The following DIAPH1 variants were observed in gnomAD, a reference collection of about 807,000 sequenced individuals.
DIAPH1 encodes the protein protein diaphanous homolog 1.
In DIAPH1, 46 loss-of-function variants were observed where a neutral mutation model predicts 140.7. The ratio of observed to expected loss-of-function variants is 0.33; its 90% confidence interval spans 0.26 to 0.42. The LOEUF (loss-of-function observed/expected upper bound fraction) is 0.42, where lower values mean the gene tolerates loss of function less well. DIAPH1 is among the 10% of genes least tolerant of loss of function. The pLI, the probability that DIAPH1 is intolerant of heterozygous loss-of-function variation, is 1.00. For synonymous variants in DIAPH1, 565 were observed against 551.6 expected (o/e 1.02, Z -0.34); for missense variants, 1,310 against 1,558.7 (o/e 0.84, Z 2.69).
intron 1 of DIAPH1, among the ~76,000 whole-genome samples, chr5:141,608,013 T>C (rs1047652054): frequency 2.0e-5 from 3 of 152,272 alleles, no homozygotes; most frequent in Non-Finnish European, 2.9e-5. Flanking sequence ...CATGGTTAAT[T>C]AGTGGTAAAG....
intron 18 of DIAPH1, among the ~76,000 whole-genome samples, chr5:141,553,565 C>T (rs1302142053): frequency 6.6e-6 from 1 of 151,682 alleles, no homozygotes; most frequent in Admixed American, 6.6e-5. Context: ...ATCGCTTGTA[C>T]CCAGGAGGCA....
intron 18 of DIAPH1, among the ~76,000 whole-genome samples, chr5:141,542,226 G>C (rs1391694957): frequency 3.9e-5 from 6 of 152,186 alleles, no homozygotes; most frequent in Non-Finnish European, 7.3e-5. Context: ...GAGATCAGGA[G>C]TTCGAGACCA....
chr5:141,574,097 C>A lies in DIAPH1; in HGVS notation c.1753G>T (p.Ala585Ser). ...SVPSRAPVPPAPPLPGDSGTI... is the reference protein window; with the variant it reads ...SVPSRAPVPPSPPLPGDSGTI... ...CCAGAGTCACCAGGTAAAGGAGGGG[C>A]AGGGGGAACAGGAGCACGACTAGGA... Residue 585 changes from alanine to serine, a missense_variant, in exon 16 of 28, where the codon GCC becomes TCC. Physicochemically the swap from Ala to Ser is moderately conservative, Grantham distance 99. Coordinates refer to ENST00000389054, the MANE Select transcript of DIAPH1 (RefSeq NM_005219.5). The A allele has an allele frequency of 6.2e-7, 1 of 1,613,422 alleles. No individual in the cohort carries two copies. The highest frequency in any genetic ancestry group is 8.5e-7 in the Non-Finnish European group (1 of 1,179,790).
At chr5:141,576,664 A>G in intron 13 of DIAPH1, 92 bp downstream of exon 13, 1 of 909,384 alleles carries the variant, frequency 1.1e-6, no homozygotes, top group Non-Finnish European at 1.8e-6. Context: ...GGGGACTGGA[A>G]AGGTATCTTC....
rs1480316957 is a variant in DIAPH1 at position 141,579,106 on chromosome 5, T to C, written c.915A>G (p.Gly305=). Residue 305 remains glycine (G), a synonymous_variant, in exon 9 of 28, where the codon GGA becomes GGG. Transcript: ENST00000389054. The stretch of plus-strand genomic sequence containing the variant: ...TACATGCCTTCAGTGCAATAGTGGT[T>C]CCACTTTTTAATCCATCCAGCAGCG... ...FQPLLDGLKS[G]TTIALKVGCL... is the part of the protein sequence containing the mutation. 1.2e-6 allele frequency: 2 copies of C among 1,613,834 alleles called. No individual in the cohort carries two copies. The highest frequency in any genetic ancestry group is 1.7e-6 in the Non-Finnish European group (2 of 1,179,798).
intron 2 of DIAPH1, 47 bp downstream of exon 2, chr5:141,588,177 G>A (rs753480525): frequency 4.0e-6 from 6 of 1,504,682 alleles, no homozygotes; most frequent in Non-Finnish European, 5.6e-6. Context: ...ATATGATAGT[G>A]TAGGCAATGA....
chr5:141,553,396 T>C (rs1212768672), intron 18 of DIAPH1, among the ~76,000 whole-genome samples: 1 of 152,066 alleles, frequency 6.6e-6, no homozygotes, highest in East Asian at 1.9e-4. Context: ...TCCCAGCACT[T>C]TGGGAGGTCA....
chr5:141,607,280 GC>G (rs2099901128), intron 1 of DIAPH1, among the ~76,000 whole-genome samples: 1 of 152,144 alleles, frequency 6.6e-6, no homozygotes, highest in South Asian at 2.1e-4. Flanking sequence ...TTCAACAATG[GC>G]ATTACCTATC....
chr5:141,554,005 G>A (rs1229597957), intron 18 of DIAPH1, among the ~76,000 whole-genome samples: 2 of 152,056 alleles, frequency 1.3e-5, no homozygotes, highest in South Asian at 2.1e-4. Flanking sequence ...CAGGCAGGGC[G>A]CGGTGGCTCA....
At chr5:141,605,677 C>T (rs768713532) in intron 1 of DIAPH1, among the ~76,000 whole-genome samples, 11 of 152,234 alleles carry the variant, frequency 7.2e-5, no homozygotes, top group Non-Finnish European at 1.2e-4. Flanking sequence ...CTTAATACCA[C>T]TAGGCCTCAG....
In DIAPH1 at chr5:141,555,357, T is replaced by C. The variant is rs139901954; in HGVS notation, c.2482+16071A>G. The stretch of plus-strand genomic sequence containing the variant: ...CATATCCTTAGACAGGTAGGCCTGG[T>C]TCAACTTTGACGGTGGGTTAGGAAG... On this transcript the variant is annotated intron_variant, in intron 18 of 27. Transcript: ENST00000389054. Among the ~76,000 whole-genome samples the C allele has an allele frequency of 8.5e-4, 129 of 152,272 alleles. No individual in the cohort carries two copies. The Middle Eastern group carries it at 0.01, about 12-fold the overall frequency.
At chr5:141,525,589 T>C (rs1387709583) in intron 26 of DIAPH1, among the ~76,000 whole-genome samples, 2 of 152,126 alleles carry the variant, frequency 1.3e-5, no homozygotes, top group African/African-American at 2.4e-5. Flanking sequence ...TGCATACAAC[T>C]GTGCTAAGGT....
At chr5:141,607,444 G>A (rs765113998) in intron 1 of DIAPH1, among the ~76,000 whole-genome samples, 6 of 152,194 alleles carry the variant, frequency 3.9e-5, no homozygotes, top group Non-Finnish European at 8.8e-5. Flanking sequence ...CATCTACGTA[G>A]CGGAAATAAC....
At chr5:141,579,960 GGAA>G (rs918043502) in intron 8 of DIAPH1, among the ~76,000 whole-genome samples, 4 of 146,776 alleles carry the variant, frequency 2.7e-5, no homozygotes, top group Non-Finnish European at 6.0e-5. Context: ...AAAAAAAAAA[GGAA>G]AAAAAAAAAA....
intron 18 of DIAPH1, chr5:141,563,441 T>C (rs919025343): frequency 3.3e-5 from 5 of 152,186 alleles, no homozygotes; most frequent in African/African-American, 9.7e-5. Flanking sequence ...ATTCACACCA[T>C]TAACATGTAA....
chr5:141,615,750 G>GA (rs905372726), intron 1 of DIAPH1, among the ~76,000 whole-genome samples: 5 of 148,838 alleles, frequency 3.4e-5, no homozygotes, highest in East Asian at 2.0e-4. Flanking sequence ...CTCAAAAAAA[G>GA]AAAAAAAAAA....
At chr5:141,529,777 T>C in intron 19 of DIAPH1, 80 bp from the exon 20 acceptor site, 2 of 1,274,986 alleles carry the variant, frequency 1.6e-6, no homozygotes, top group Non-Finnish European at 2.3e-6. Context: ...CTATGCTGGA[T>C]AATCTTCCTA....
intron 18 of DIAPH1, among the ~76,000 whole-genome samples, chr5:141,570,047 T>C (rs2099894931): frequency 1.3e-5 from 2 of 151,788 alleles, no homozygotes; most frequent in Admixed American, 6.6e-5. Flanking sequence ...AATACTACCA[T>C]ATCCCAATTC....
At chr5:141,535,178 G>C (rs1412031792) in intron 18 of DIAPH1, among the ~76,000 whole-genome samples, 3 of 152,114 alleles carry the variant, frequency 2.0e-5, no homozygotes, top group African/African-American at 7.2e-5. Flanking sequence ...TCAAACTCCT[G>C]GGATCAAGCA....
Sources: allele counts gnomAD v4.1 joint callset (sites outside exome capture counted in the v4.1 genomes callset), GRCh38; gene constraint gnomAD v4.1.1; transcripts MANE v1.5; gene names NCBI Gene and HGNC (gene_info 2026-07-23, HGNC 2026-07-21).